The following CDH22 variants were observed in gnomAD, a reference collection of about 807,000 sequenced individuals.
CDH22 encodes cadherin 22, also known as cadherin-22.
In CDH22, 30 loss-of-function variants were observed where a neutral mutation model predicts 58.4. The observed-to-expected ratio is 0.51, with a 90% CI of 0.38 to 0.70. The LOEUF is 0.70. CDH22 is among the 30% of genes least tolerant of loss of function. The pLI is 0.00. For missense variants in CDH22, 1,014 were observed against 1,233.9 expected (o/e 0.82, Z 2.67); for synonymous variants, 513 against 558.2 (o/e 0.92, Z 1.14).
chr20:46,246,283 A>T (rs546254759), intron 2 of CDH22, among the ~76,000 whole-genome samples: 1 of 152,334 alleles, frequency 6.6e-6, no homozygotes, highest in South Asian at 2.1e-4. Flanking sequence ...CTACTCGTAA[A>T]CCAGGAGTTC....
intron 1 of CDH22, among the ~76,000 whole-genome samples, chr20:46,298,339 A>G (rs535624427): frequency 6.6e-6 from 1 of 152,302 alleles, no homozygotes; most frequent in African/African-American, 2.4e-5. Context: ...CATTATCTTT[A>G]GTATCAGGTA....
chr20:46,252,895 G>C (rs2086387440), intron 1 of CDH22, among the ~76,000 whole-genome samples: 1 of 152,264 alleles, frequency 6.6e-6, no homozygotes, highest in Non-Finnish European at 1.5e-5. Context: ...GAAAGGGAAA[G>C]TAGGCGGGAG....
intron 3 of CDH22, among the ~76,000 whole-genome samples, chr20:46,235,594 C>T (rs2086246602): frequency 1.3e-5 from 2 of 152,220 alleles, no homozygotes; most frequent in Admixed American, 6.5e-5. Flanking sequence ...GGAGCAGTCC[C>T]CATCTCAGCC....
chr20:46,224,620 C>T (rs2086158246), intron 4 of CDH22, among the ~76,000 whole-genome samples: 1 of 152,180 alleles, frequency 6.6e-6, no homozygotes, highest in Non-Finnish European at 1.5e-5. Flanking sequence ...TCACTCATTC[C>T]TCTGCTCTAG....
chr20:46,250,091 G>A (rs922491262), intron 2 of CDH22, among the ~76,000 whole-genome samples: 3 of 152,116 alleles, frequency 2.0e-5, no homozygotes, highest in African/African-American at 7.2e-5. Flanking sequence ...GGCCCCACAA[G>A]GGGCTCAGGA....
chr20:46,237,282 T>C (rs374128527), intron 3 of CDH22, among the ~76,000 whole-genome samples: 26 of 152,290 alleles, frequency 1.7e-4, no homozygotes, highest in African/African-American at 5.3e-4. Flanking sequence ...ACATGACTGG[T>C]GTGCCCCTGC....
intron 1 of CDH22, among the ~76,000 whole-genome samples, chr20:46,283,303 A>G (rs972280480): frequency 6.6e-6 from 1 of 152,160 alleles, no homozygotes; most frequent in African/African-American, 2.4e-5. Context: ...TGGACAGGAC[A>G]TGAGCTCCAG....
chr20:46,301,598 G>C (rs1003361945), intron 1 of CDH22, among the ~76,000 whole-genome samples: 1 of 151,950 alleles, frequency 6.6e-6, no homozygotes, highest in Non-Finnish European at 1.5e-5. Context: ...ACCACCAGAG[G>C]TCAGGAGCTC....
intron 7 of CDH22, among the ~76,000 whole-genome samples, 158 bp from the exon 8 acceptor site, chr20:46,199,717 T>TG (rs2145671041): frequency 6.6e-6 from 1 of 152,260 alleles, no homozygotes; most frequent in South Asian, 2.1e-4. Context: ...GGGAAGCAAC[T>TG]GGGTGTGCAT....
chr20:46,302,788 C>G (rs1201534038), intron 1 of CDH22, among the ~76,000 whole-genome samples: 1 of 152,146 alleles, frequency 6.6e-6, no homozygotes, highest in Non-Finnish European at 1.5e-5. Context: ...ACAGCTGGTC[C>G]TCACCTCTTC....
chr20:46,189,565 GTGATC>G (rs1466560409), intron 8 of CDH22, among the ~76,000 whole-genome samples: 4 of 152,174 alleles, frequency 2.6e-5, no homozygotes, highest in Admixed American at 1.3e-4. Flanking sequence ...TGCTGAGTGA[GTGATC>G]CGCTCCTGGA....
chr20:46,216,888 C>A lies in CDH22; in HGVS notation c.776G>T (p.Gly259Val). 5 of 1,610,760 alleles carry A rather than the reference C, an allele frequency of 3.1e-6. No homozygotes were observed. The highest frequency in any genetic ancestry group is 4.2e-6 in the Non-Finnish European group (5 of 1,177,438). ...GACTACGATGGTGACGGTAGTGGAG[C>A]CCGAGAGGCCACCCAGCTGACCCGC... ...DMAGQLGGLS[G>V]STTVTIVVTD... Residue 259 changes from glycine (G) to valine (V), a missense_variant, in exon 5 of 12, where the codon GGC (glycine) becomes GTC (valine). By Grantham distance (109) the Gly-to-Val change is moderately radical. Coordinates refer to ENST00000537909, the MANE Select transcript of CDH22 (RefSeq NM_021248.3). This position sits in a 1 kb window ranked among gnomAD's most constrained non-coding sequence, Gnocchi z 5.3.
chr20:46,244,784 G>A (rs1224390651), intron 2 of CDH22, among the ~76,000 whole-genome samples: 2 of 152,186 alleles, frequency 1.3e-5, no homozygotes, highest in African/African-American at 4.8e-5. Flanking sequence ...CTTGGGTGGT[G>A]GCCTTGACAC....
intron 1 of CDH22, among the ~76,000 whole-genome samples, chr20:46,274,804 T>C (rs2425837): frequency 0.96 from 142,837 of 149,250 alleles, 68,409 homozygotes; most frequent in East Asian, 1. Context: ...AAAAACATTA[T>C]GTGCAATGAA....
chr20:46,246,810 C>T (rs956202939), intron 2 of CDH22, among the ~76,000 whole-genome samples: 12 of 152,198 alleles, frequency 7.9e-5, no homozygotes, highest in African/African-American at 1.4e-4. Flanking sequence ...ACGGATGCTC[C>T]GAGCGGCTCC....
At chr20:46,226,264 TCTTCTTCTTCTTCTTC>T (rs2086172388) in intron 4 of CDH22, among the ~76,000 whole-genome samples, 1 of 126,388 alleles carries the variant, frequency 7.9e-6, no homozygotes, top group Non-Finnish European at 1.6e-5. Context: ...TTCTTCTTCT[TCTTCTTCTTCTTCTTC>T]TTCTTCTTCT....
At chr20:46,189,238 T>A (rs534290008) in intron 8 of CDH22, among the ~76,000 whole-genome samples, 2 of 151,998 alleles carry the variant, frequency 1.3e-5, no homozygotes, top group Admixed American at 6.5e-5. Context: ...GCCACTCCAG[T>A]GATTAGAGGG....
At chr20:46,220,607 G>C in intron 4 of CDH22, 1 of 152,370 alleles carries the variant, frequency 6.6e-6, no homozygotes, top group East Asian at 1.9e-4. Context: ...TATGGGCTTG[G>C]GCACCAAAGG....
intron 1 of CDH22, among the ~76,000 whole-genome samples, chr20:46,260,785 C>G (rs1435034252): frequency 2.0e-5 from 3 of 152,248 alleles, no homozygotes; most frequent in African/African-American, 7.2e-5. Context: ...GCTCCAGGCT[C>G]TCCCTTGTCA....
Sources: gnomAD v4.1 joint callset for allele counts (sites outside exome capture counted in the v4.1 genomes callset) on GRCh38, gnomAD v4.1.1 for gene constraint, Gnocchi (gnomAD v3.1) non-coding constraint, MANE v1.5 for transcripts, NCBI Gene and HGNC (gene_info 2026-07-23, HGNC 2026-07-21) for gene names.